The following ZNF407 variants were observed in gnomAD, a reference collection of about 807,000 sequenced individuals.
ZNF407 encodes the protein zinc finger protein 407.
ZNF407 carries 17 observed loss-of-function variants against 131.2 expected under a neutral mutation model. That is an observed-to-expected ratio of 0.13 (90% CI 0.09 to 0.19). The LOEUF (loss-of-function observed/expected upper bound fraction) is 0.19, where lower values mean the gene tolerates loss of function less well. Ranked by LOEUF, ZNF407 falls within the 10% of genes least tolerant of loss-of-function variation. ZNF407 has a pLI of 1.00. For missense variants in ZNF407, 2,681 were observed against 2,830.6 expected (o/e 0.95, Z 1.20); for synonymous variants, 1,156 against 1,062.0 (o/e 1.09, Z -1.72).
At chr18:75,044,490 C>T (rs947106501) in intron 8 of ZNF407, among the ~76,000 whole-genome samples, 5 of 152,166 alleles carry the variant, frequency 3.3e-5, no homozygotes, top group South Asian at 2.1e-4. Context: ...GGGCACCGTT[C>T]GTACTGATGT....
chr18:74,669,430 C>T (rs948126623), intron 3 of ZNF407, among the ~76,000 whole-genome samples: 2 of 152,176 alleles, frequency 1.3e-5, no homozygotes, highest in Non-Finnish European at 2.9e-5. Flanking sequence ...TGGGAAGGTA[C>T]TCCCCCACCC....
chr18:74,775,003 A>G (rs187003752), intron 3 of ZNF407, among the ~76,000 whole-genome samples: 2 of 152,310 alleles, frequency 1.3e-5, no homozygotes, highest in Admixed American at 1.3e-4. Context: ...TATTTCATGT[A>G]TTGTCTTTTC....
intron 3 of ZNF407, among the ~76,000 whole-genome samples, chr18:74,699,950 G>A (rs1057346329): frequency 6.6e-6 from 1 of 152,020 alleles, no homozygotes; most frequent in Non-Finnish European, 1.5e-5. Flanking sequence ...CCTAAAATGT[G>A]AGTTTGTATT....
chr18:74,813,633 T>C (rs1015912273), intron 4 of ZNF407, among the ~76,000 whole-genome samples: 1 of 152,152 alleles, frequency 6.6e-6, no homozygotes, highest in African/African-American at 2.4e-5. Flanking sequence ...GGAAGCCAGA[T>C]GTGTGGCTGA....
rs796284613 is a variant in ZNF407 at position 74,884,597 on chromosome 18, T to A, written c.5128+3478T>A. Among the ~76,000 whole-genome samples, 7 of 152,300 alleles carry A rather than the reference T, an allele frequency of 4.6e-5. 1 individual carries two copies. Among genetic ancestry groups the A allele is most frequent in the African/African-American group, 1.7e-4 (7 of 41,570 alleles). ...ACTTGCTTAATATTACACAATGTAA[T>A]CTATTGTGTGGTCAAAGAAAATATG... On this transcript the variant is annotated intron_variant, in intron 6 of 8. Coordinates refer to ENST00000299687, the MANE Select transcript of ZNF407 (RefSeq NM_017757.3).
At chr18:74,990,603 G>A (rs781438791) in intron 8 of ZNF407, among the ~76,000 whole-genome samples, 1 of 152,184 alleles carries the variant, frequency 6.6e-6, no homozygotes, top group Non-Finnish European at 1.5e-5. Flanking sequence ...AATGTAAAAT[G>A]CTAAGTGTAG....
intron 7 of ZNF407, among the ~76,000 whole-genome samples, chr18:74,915,319 G>GGA (rs1568267539): frequency 7.2e-6 from 1 of 139,520 alleles, no homozygotes; most frequent in Non-Finnish European, 1.5e-5. Context: ...GTTCGAATCG[G>GGA]GAGTGTGTGT....
At chr18:74,920,376 A>G in intron 7 of ZNF407, 138 bp from the exon 8 acceptor site, 1 of 620,926 alleles carries the variant, frequency 1.6e-6, no homozygotes, top group Non-Finnish European at 2.4e-6. Context: ...GATGTATTAT[A>G]TAAGCTAATT....
intron 8 of ZNF407, among the ~76,000 whole-genome samples, chr18:75,034,225 A>G (rs1383353516): frequency 6.6e-6 from 1 of 152,120 alleles, no homozygotes; most frequent in African/African-American, 2.4e-5. Context: ...GTATCTATTC[A>G]AAGAGTATAT....
At chr18:74,972,060 G>A (rs1425995423) in intron 8 of ZNF407, among the ~76,000 whole-genome samples, 2 of 152,096 alleles carry the variant, frequency 1.3e-5, no homozygotes, top group African/African-American at 4.8e-5. Flanking sequence ...AGAATAGCAC[G>A]GGAAAAACTG....
chr18:74,849,268 C>T (rs184644196), intron 4 of ZNF407, among the ~76,000 whole-genome samples: 12 of 151,832 alleles, frequency 7.9e-5, no homozygotes, highest in African/African-American at 2.2e-4. Flanking sequence ...TTAGTAGATA[C>T]GGGGTTTCGC....
chr18:74,994,402 G>A (rs911589970), intron 8 of ZNF407, among the ~76,000 whole-genome samples: 3 of 152,208 alleles, frequency 2.0e-5, no homozygotes, highest in African/African-American at 7.2e-5. Context: ...CAAGATCCAG[G>A]TTGTGTCAAA....
chr18:75,064,882 C>G lies in ZNF407; in HGVS notation c.*414C>G, dbSNP rs698693. Reference sequence around the variant, plus strand: ...GGGGAAAGTGGTGAAGATACCCCTCCTGGCTTGGGGTGCACCTGCTTGTGC... The same window carrying G: ...GGGGAAAGTGGTGAAGATACCCCTCGTGGCTTGGGGTGCACCTGCTTGTGC... On this transcript the variant is annotated 3_prime_UTR_variant, in exon 9 of 9. Transcript: ENST00000299687. The G allele has an allele frequency of 0.78, 125,762 of 161,578 alleles. 50,647 individuals are homozygous for G. Among genetic ancestry groups the G allele is most frequent in the East Asian group, 0.9 (5,005 of 5,550 alleles). 10.0% of individuals were successfully genotyped at this position (161,578 alleles called of 1,614,324 possible). A position where few individuals can be genotyped will look rare whatever the true frequency, so the allele number is the denominator to read the frequency against.
chr18:74,814,105 A>G (rs554013697), intron 4 of ZNF407, among the ~76,000 whole-genome samples: 3 of 152,250 alleles, frequency 2.0e-5, no homozygotes, highest in African/African-American at 7.2e-5. Flanking sequence ...TTCAGAGACC[A>G]AATAATACTC....
intron 3 of ZNF407, among the ~76,000 whole-genome samples, chr18:74,776,516 C>T (rs1164611698): frequency 1.3e-5 from 2 of 152,180 alleles, no homozygotes; most frequent in Non-Finnish European, 2.9e-5. Flanking sequence ...TCAGCACACA[C>T]ATGACTGAGA....
At chr18:74,950,706 T>G (rs1420632565) in intron 8 of ZNF407, among the ~76,000 whole-genome samples, 1 of 152,234 alleles carries the variant, frequency 6.6e-6, no homozygotes, top group Non-Finnish European at 1.5e-5. Context: ...CCTGTCTGTT[T>G]TGCTGCGCGT....
intron 4 of ZNF407, among the ~76,000 whole-genome samples, chr18:74,841,598 A>T (rs368098202): frequency 6.6e-6 from 1 of 152,228 alleles, no homozygotes; most frequent in Non-Finnish European, 1.5e-5. Context: ...ACTGCTACGT[A>T]AAAGGCCCTT....
intron 4 of ZNF407, among the ~76,000 whole-genome samples, chr18:74,844,658 A>T (rs1159720235): frequency 6.6e-6 from 1 of 152,188 alleles, no homozygotes; most frequent in African/African-American, 2.4e-5. Flanking sequence ...CAAAATTTTT[A>T]AATTATTTAA....
At chr18:74,845,898 T>G (rs1305705074) in intron 4 of ZNF407, among the ~76,000 whole-genome samples, 1 of 152,198 alleles carries the variant, frequency 6.6e-6, no homozygotes, top group Non-Finnish European at 1.5e-5. Flanking sequence ...GTAAGTTAGT[T>G]GTTAATATAG....
Sources: allele counts gnomAD v4.1 joint callset (sites outside exome capture counted in the v4.1 genomes callset), GRCh38; gene constraint gnomAD v4.1.1; transcripts MANE v1.5; gene names NCBI Gene and HGNC (gene_info 2026-07-23, HGNC 2026-07-21).